CRACD: variants seen among roughly 807,000 people sequenced by gnomAD.
CRACD encodes capping protein inhibiting regulator of actin dynamics.
CRACD carries 56 observed loss-of-function variants against 106.8 expected under a neutral mutation model. That is an observed-to-expected ratio of 0.52 (90% CI 0.42 to 0.66). CRACD has a LOEUF of 0.66. CRACD is among the 30% of genes least tolerant of loss of function. The pLI is 0.00. For synonymous variants in CRACD, 754 were observed against 670.8 expected (o/e 1.12, Z -1.92); for missense variants, 1,730 against 1,623.2 (o/e 1.07, Z -1.13).
intron 2 of CRACD, among the ~76,000 whole-genome samples, chr4:56,226,995 C>T (rs2109525816): frequency 6.6e-6 from 1 of 152,052 alleles, no homozygotes; most frequent in Non-Finnish European, 1.5e-5. Context: ...CCCGACACCT[C>T]ACCAGAAGCC....
intron 1 of CRACD, among the ~76,000 whole-genome samples, chr4:56,173,267 A>G (rs1357758278): frequency 6.6e-6 from 1 of 152,182 alleles, no homozygotes; most frequent in African/African-American, 2.4e-5. Context: ...TCTCCTTCAA[A>G]ACATGCATTG....
At chr4:56,098,889 G>T (rs1733684539) in intron 1 of CRACD, among the ~76,000 whole-genome samples, 1 of 152,110 alleles carries the variant, frequency 6.6e-6, no homozygotes, top group African/African-American at 2.4e-5. Context: ...TGGCCAGGCT[G>T]GTCTTGAACT....
intron 2 of CRACD, among the ~76,000 whole-genome samples, chr4:56,260,693 G>T (rs1421157785): frequency 1.3e-5 from 2 of 152,200 alleles, no homozygotes; most frequent in African/African-American, 2.4e-5. Context: ...AAGCAGAGCA[G>T]AGGCTTTCCT....
chr4:56,297,481 AC>A (rs1181184483), intron 3 of CRACD, among the ~76,000 whole-genome samples: 1 of 152,040 alleles, frequency 6.6e-6, no homozygotes, highest in Non-Finnish European at 1.5e-5. Flanking sequence ...ATTCCTAGCT[AC>A]TCTGCAGGAT....
intron 1 of CRACD, among the ~76,000 whole-genome samples, chr4:56,106,104 A>G (rs1030342107): frequency 6.6e-6 from 1 of 152,194 alleles, no homozygotes; most frequent in African/African-American, 2.4e-5. Flanking sequence ...AAGGGTGCAT[A>G]AAGCATTTTG....
intron 1 of CRACD, among the ~76,000 whole-genome samples, chr4:56,172,163 T>A (rs992029565): frequency 7.2e-5 from 11 of 152,042 alleles, no homozygotes; most frequent in African/African-American, 2.7e-4. Context: ...GAAGATAGTA[T>A]CACTATTTAG....
At chr4:56,201,415 TAA>T (rs1428884228) in intron 2 of CRACD, among the ~76,000 whole-genome samples, 1 of 152,168 alleles carries the variant, frequency 6.6e-6, no homozygotes, top group African/African-American at 2.4e-5. Context: ...AATTAATTGA[TAA>T]AACTGGCATG....
chr4:56,080,620 C>G (rs1027601901), intron 1 of CRACD, among the ~76,000 whole-genome samples: 3 of 152,136 alleles, frequency 2.0e-5, no homozygotes, highest in African/African-American at 7.2e-5. Flanking sequence ...AGAGTGGCTC[C>G]CACTTTTATG....
At chr4:56,088,638 C>T (rs1733312035) in intron 1 of CRACD, among the ~76,000 whole-genome samples, 1 of 152,164 alleles carries the variant, frequency 6.6e-6, no homozygotes, top group Non-Finnish European at 1.5e-5. Flanking sequence ...CTGATTTGTG[C>T]CAAGTTACTT....
chr4:56,077,013 A>G (rs1732861376), intron 1 of CRACD, among the ~76,000 whole-genome samples: 1 of 152,184 alleles, frequency 6.6e-6, no homozygotes, highest in Non-Finnish European at 1.5e-5. Flanking sequence ...ATCTCTGAGT[A>G]TAAGAGTATG....
chr4:56,059,528 T>C (rs1732198678), intron 1 of CRACD, among the ~76,000 whole-genome samples: 1 of 152,160 alleles, frequency 6.6e-6, no homozygotes, highest in South Asian at 2.1e-4. Context: ...CAGCCAGTCA[T>C]GATAAAACCA....
intron 2 of CRACD, among the ~76,000 whole-genome samples, chr4:56,262,339 T>G (rs1055137034): frequency 2.0e-5 from 3 of 152,170 alleles, no homozygotes; most frequent in African/African-American, 7.2e-5. Context: ...TATGTATGTA[T>G]GTGTTTTGTC....
chr4:56,297,553 T>A (rs1744122437), intron 3 of CRACD, among the ~76,000 whole-genome samples: 1 of 152,136 alleles, frequency 6.6e-6, no homozygotes, highest in Middle Eastern at 3.2e-3. Flanking sequence ...CACTCCAGCC[T>A]GGGCAACAGA....
chr4:56,148,028 G>A (rs13146617), intron 1 of CRACD, among the ~76,000 whole-genome samples: 56,743 of 152,012 alleles, frequency 0.37, 10,778 homozygotes, highest in Middle Eastern at 0.46. Flanking sequence ...CAGGGAAAAG[G>A]CCATGTGAAG....
intron 2 of CRACD, among the ~76,000 whole-genome samples, chr4:56,243,836 C>T (rs1022009403): frequency 5.3e-5 from 8 of 152,076 alleles, no homozygotes; most frequent in Non-Finnish European, 1.2e-4. Flanking sequence ...ACTATAGTCA[C>T]CCTATTGTAC....
At chr4:56,217,655 C>G (rs1359814323) in intron 2 of CRACD, among the ~76,000 whole-genome samples, 1 of 152,044 alleles carries the variant, frequency 6.6e-6, no homozygotes, top group Non-Finnish European at 1.5e-5. Flanking sequence ...CTTAAAGAGT[C>G]CGTTCTGTCA....
intron 1 of CRACD, among the ~76,000 whole-genome samples, chr4:56,167,390 G>C (rs1166881179): frequency 6.6e-6 from 1 of 152,202 alleles, no homozygotes; most frequent in Non-Finnish European, 1.5e-5. Flanking sequence ...GGGCTATAAA[G>C]TGGTGCTATG....
At chr4:56,167,264 T>G (rs746064875) in intron 1 of CRACD, among the ~76,000 whole-genome samples, 1 of 152,228 alleles carries the variant, frequency 6.6e-6, no homozygotes, top group African/African-American at 2.4e-5. Flanking sequence ...AGATCCACAT[T>G]GTACTGATAT....
chr4:56,073,736 T>C (rs1458255335), intron 1 of CRACD, among the ~76,000 whole-genome samples: 1 of 152,232 alleles, frequency 6.6e-6, no homozygotes, highest in African/African-American at 2.4e-5. Flanking sequence ...TTTTGGCTTT[T>C]GTTGCCATTG....
Sources: allele counts gnomAD v4.1 joint callset (sites outside exome capture counted in the v4.1 genomes callset), GRCh38; gene constraint gnomAD v4.1.1; transcripts MANE v1.5; gene names NCBI Gene and HGNC (gene_info 2026-07-23, HGNC 2026-07-21).